The following L3MBTL4 variants were observed in gnomAD, a reference collection of about 807,000 sequenced individuals.
L3MBTL4 encodes L3MBTL histone methyl-lysine binding protein 4, also known as lethal(3)malignant brain tumor-like protein 4.
In L3MBTL4, 70 loss-of-function variants were observed where a neutral mutation model predicts 84.5. The observed-to-expected ratio is 0.83, with a 90% confidence interval of 0.68 to 1.01. The LOEUF (loss-of-function observed/expected upper bound fraction) is 1.01. L3MBTL4 is among the 50% of genes least tolerant of loss of function. L3MBTL4 has a pLI of 0.00. For missense variants in L3MBTL4, 715 were observed against 754.8 expected (o/e 0.95, Z 0.62); for synonymous variants, 274 against 259.8 (o/e 1.05, Z -0.52).
intron 16 of L3MBTL4, among the ~76,000 whole-genome samples, chr18:5,996,533 A>C (rs1343234658): frequency 6.6e-6 from 1 of 152,194 alleles, no homozygotes; most frequent in Non-Finnish European, 1.5e-5. Context: ...GCACTCTAGC[A>C]GCTGTGGCTA....
chr18:6,403,458 A>G (rs1311197686), intron 1 of L3MBTL4, among the ~76,000 whole-genome samples: 1 of 152,210 alleles, frequency 6.6e-6, no homozygotes, highest in Non-Finnish European at 1.5e-5. Context: ...AACCTATTAT[A>G]TTGGATACAA....
chr18:6,040,404 A>C (rs745967668), intron 16 of L3MBTL4, among the ~76,000 whole-genome samples: 5 of 152,170 alleles, frequency 3.3e-5, no homozygotes, highest in Non-Finnish European at 7.3e-5. Context: ...ATCCTGTTCC[A>C]ATAATTAAGA....
At chr18:6,316,152 C>T (rs958103147) in intron 1 of L3MBTL4, among the ~76,000 whole-genome samples, 1 of 151,340 alleles carries the variant, frequency 6.6e-6, no homozygotes, top group Admixed American at 6.6e-5. Context: ...ACTCCCCTGC[C>T]ACCCCCATCG....
At chr18:6,394,570 C>T (rs2055194996) in intron 1 of L3MBTL4, among the ~76,000 whole-genome samples, 1 of 152,144 alleles carries the variant, frequency 6.6e-6, no homozygotes, top group African/African-American at 2.4e-5. Context: ...ACACAAGCTT[C>T]ACAAAGGACC....
chr18:6,349,279 A>C (rs1359626801), intron 1 of L3MBTL4, among the ~76,000 whole-genome samples: 1 of 152,256 alleles, frequency 6.6e-6, no homozygotes, highest in Non-Finnish European at 1.5e-5. Flanking sequence ...CAAACTGGAA[A>C]TAATCAAAAC....
chr18:6,261,461 C>A (rs1457900375), intron 5 of L3MBTL4, among the ~76,000 whole-genome samples: 1 of 152,214 alleles, frequency 6.6e-6, no homozygotes, highest in Non-Finnish European at 1.5e-5. Flanking sequence ...CACCACCCGC[C>A]TCCTTCAAAG....
At chr18:6,172,022 T>A (rs948141319) in intron 12 of L3MBTL4, 80 bp from the exon 13 acceptor site, 1 of 631,024 alleles carries the variant, frequency 1.6e-6, no homozygotes, top group Non-Finnish European at 2.7e-6. Flanking sequence ...TGAATACAGA[T>A]GTCTGAAGCT....
At chr18:6,178,690 T>C (rs2145310486) in intron 12 of L3MBTL4, among the ~76,000 whole-genome samples, 1 of 152,340 alleles carries the variant, frequency 6.6e-6, no homozygotes, top group East Asian at 1.9e-4. Flanking sequence ...GAATGTGTCC[T>C]AATGGTATTA....
chr18:6,386,496 TC>T (rs1342538625), intron 1 of L3MBTL4, among the ~76,000 whole-genome samples: 1 of 152,210 alleles, frequency 6.6e-6, no homozygotes, highest in Non-Finnish European at 1.5e-5. Context: ...AAAGCAAAGT[TC>T]CAGTCTTCAC....
intron 10 of L3MBTL4, among the ~76,000 whole-genome samples, chr18:6,218,677 A>T (rs938537943): frequency 9.9e-5 from 15 of 152,192 alleles, no homozygotes; most frequent in Non-Finnish European, 2.1e-4. Flanking sequence ...AGCTATGTAC[A>T]TGCAAAAAAG....
At chr18:6,375,879 A>C (rs552340143) in intron 1 of L3MBTL4, among the ~76,000 whole-genome samples, 1 of 152,310 alleles carries the variant, frequency 6.6e-6, no homozygotes, top group South Asian at 2.1e-4. Flanking sequence ...AGAAATAGGC[A>C]AAAGCACAAA....
At chr18:6,208,295 C>A (rs752756984) in intron 12 of L3MBTL4, among the ~76,000 whole-genome samples, 52 of 152,178 alleles carry the variant, frequency 3.4e-4, no homozygotes, top group Non-Finnish European at 6.3e-4. Context: ...CAAACAAGAG[C>A]TTTTGAACTT....
intron 1 of L3MBTL4, among the ~76,000 whole-genome samples, chr18:6,315,342 G>T (rs2051038330): frequency 6.6e-6 from 1 of 152,142 alleles, no homozygotes; most frequent in East Asian, 1.9e-4. Context: ...ATTAATAAAT[G>T]ATTACAAATG....
intron 1 of L3MBTL4, among the ~76,000 whole-genome samples, chr18:6,380,850 G>C (rs557728834): frequency 5.1e-4 from 77 of 152,288 alleles, no homozygotes; most frequent in African/African-American, 1.8e-3. Flanking sequence ...GTCCAGAGCT[G>C]AGTTCAAGTC....
intron 11 of L3MBTL4, among the ~76,000 whole-genome samples, chr18:6,214,511 T>C (rs1352884949): frequency 6.6e-6 from 1 of 152,224 alleles, no homozygotes; most frequent in African/African-American, 2.4e-5. Context: ...TTTTGAATTT[T>C]TCAAGTTCAG....
chr18:6,212,066 A>C (rs1175270779), intron 12 of L3MBTL4, among the ~76,000 whole-genome samples: 1 of 152,282 alleles, frequency 6.6e-6, no homozygotes, highest in Non-Finnish European at 1.5e-5. Flanking sequence ...TCCAGAAATA[A>C]ATAAGAGTTA....
Position 5,956,336 on chromosome 18 carries a change from C to CT in L3MBTL4, c.1728dup (p.Val577SerfsTer27). 1 of 1,614,128 alleles carries CT rather than the reference C, an allele frequency of 6.2e-7. No homozygotes were observed. The highest frequency in any genetic ancestry group is 8.5e-7 in the Non-Finnish European group (1 of 1,180,016). ...GCTGGGCCCAGTTTGATCTTCATCA[C>CT]TTTGACAATGTCCGTCTGTGTCAGA... On this transcript the variant is annotated frameshift_variant, in exon 19 of 19. Coordinates refer to ENST00000317931, the MANE Select transcript of L3MBTL4 (RefSeq NM_001330559.2). LOFTEE classifies it low-confidence loss of function (END_TRUNC).
chr18:6,036,974 A>G (rs2056170617), intron 16 of L3MBTL4, among the ~76,000 whole-genome samples: 1 of 152,218 alleles, frequency 6.6e-6, no homozygotes, highest in South Asian at 2.1e-4. Context: ...GAAAAGAGAA[A>G]AATGACGGGA....
intron 14 of L3MBTL4, among the ~76,000 whole-genome samples, chr18:6,098,093 A>G (rs1271175261): frequency 1.3e-5 from 2 of 152,094 alleles, no homozygotes; most frequent in Admixed American, 1.3e-4. Context: ...CTCCTCAGCT[A>G]TACTCTCCTC....
Sources: gnomAD v4.1 joint callset for allele counts (sites outside exome capture counted in the v4.1 genomes callset) on GRCh38, gnomAD v4.1.1 for gene constraint, MANE v1.5 for transcripts, NCBI Gene and HGNC (gene_info 2026-07-23, HGNC 2026-07-21) for gene names.